The following TSPAN9 variants were observed in gnomAD, a reference collection of about 807,000 sequenced individuals.
TSPAN9 encodes the protein tetraspanin 9.
Under a neutral mutation model 31.0 loss-of-function variants are expected in TSPAN9, and 16 were observed. That is an observed-to-expected ratio of 0.52 (90% CI 0.35 to 0.78). The LOEUF is 0.78. Among genes scored for constraint, TSPAN9 ranks in the 30% least tolerant of loss-of-function variants. TSPAN9 has a pLI of 0.01. For synonymous variants in TSPAN9, 145 were observed against 121.6 expected (o/e 1.19, Z -1.27); for missense variants, 272 against 312.5 (o/e 0.87, Z 0.98).
At chr12:3,129,319 C>T (rs555345154) in intron 2 of TSPAN9, among the ~76,000 whole-genome samples, 3 of 152,164 alleles carry the variant, frequency 2.0e-5, no homozygotes, top group African/African-American at 7.2e-5. Context: ...AATGGATGCA[C>T]GTGTTAGTAA....
At chr12:3,223,526 C>T (rs12831241) in intron 3 of TSPAN9, among the ~76,000 whole-genome samples, 62,962 of 151,982 alleles carry the variant, frequency 0.41, 13,665 homozygotes, top group South Asian at 0.65. Flanking sequence ...GGAGTAACAG[C>T]CCCAAGACCG....
chr12:3,100,099 C>T (rs1287629389), intron 2 of TSPAN9, among the ~76,000 whole-genome samples: 10 of 152,160 alleles, frequency 6.6e-5, no homozygotes, highest in African/African-American at 2.4e-4. Flanking sequence ...CCGCCTCGGC[C>T]TCCCAAAGTG....
rs546734237 is a variant in TSPAN9, at chr12:3,224,944, C to T, written c.63+23688C>T. ...GCGGCCACGCTCCCATGGCTCATCC[C>T]GATGGGGCAGCCAGAGCTTCAGAAT... is the stretch of plus-strand genomic sequence containing the variant. On this transcript the variant is annotated intron_variant, in intron 3 of 8. Coordinates refer to ENST00000011898, the MANE Select transcript of TSPAN9 (RefSeq NM_006675.5). Among the ~76,000 whole-genome samples, 8 of 152,258 alleles carry T rather than the reference C, an allele frequency of 5.3e-5. No individual in the cohort carries two copies. The South Asian group carries it at 8.3e-4, about 16-fold the overall frequency.
intron 2 of TSPAN9, among the ~76,000 whole-genome samples, chr12:3,110,005 G>A (rs2098317600): frequency 6.6e-6 from 1 of 152,082 alleles, no homozygotes; most frequent in Non-Finnish European, 1.5e-5. Context: ...ACCAGGAGGG[G>A]CTGAAAACAG....
rs146213339 is a variant in TSPAN9 at position 3,142,471 on chromosome 12, TG to T, written c.-17-58703del. Among the ~76,000 whole-genome samples the T allele has an allele frequency of 3.0e-3, 458 of 152,198 alleles. 1 individual carries two copies. The highest frequency in any genetic ancestry group is 0.011 in the African/African-American group (437 of 41,510). The stretch of plus-strand genomic sequence containing the variant: ...GGCCCTAGATGTGGGACAAGGGCTG[TG>T]GGATGAAAGGTGATATATAAATGTA... On this transcript the variant is annotated intron_variant, in intron 2 of 8. Transcript: ENST00000011898.
At chr12:3,117,877 G>A (rs1446007600) in intron 2 of TSPAN9, among the ~76,000 whole-genome samples, 4 of 152,082 alleles carry the variant, frequency 2.6e-5, no homozygotes, top group African/African-American at 9.7e-5. Flanking sequence ...GAAGCACCTT[G>A]GGAGGCAGTG....
intron 3 of TSPAN9, among the ~76,000 whole-genome samples, chr12:3,209,270 G>A (rs538361197): frequency 3.3e-5 from 5 of 151,978 alleles, no homozygotes; most frequent in South Asian, 2.1e-4. Context: ...AAAATTCAGC[G>A]TTGTGTTTCT....
intron 2 of TSPAN9, among the ~76,000 whole-genome samples, chr12:3,198,635 C>T (rs1355201166): frequency 3.6e-5 from 4 of 110,828 alleles, no homozygotes; most frequent in African/African-American, 1.5e-4. Context: ...AGGCCACCAC[C>T]AGCACAGCTC....
In TSPAN9 at chr12:3,280,542, T is replaced by TC. The variant is rs548695659; in HGVS notation, c.432+60dup. 7 of 1,489,270 alleles carry TC rather than the reference T, an allele frequency of 4.7e-6. No individual in the cohort carries two copies. The South Asian group carries it at 8.2e-5, about 17-fold the overall frequency. The allele number at this position is 1,489,270 out of a possible 1,614,324, so 92.3% of individuals were successfully genotyped here. On this transcript the variant is annotated intron_variant, in intron 6 of 8. Transcript: ENST00000011898. This position sits in a 1 kb window ranked among gnomAD's most constrained non-coding sequence, Gnocchi z 4.5. The stretch of plus-strand genomic sequence containing the variant: ...GGGAGGAGGGGTGGCGGCCGGTACT[T>TC]CTAGCTGCCTTCCCCGGTGACCTGG...
At chr12:3,275,259 A>G (rs1254543740) in intron 3 of TSPAN9, among the ~76,000 whole-genome samples, 2 of 152,194 alleles carry the variant, frequency 1.3e-5, no homozygotes, top group African/African-American at 4.8e-5. Context: ...AGGTACACCC[A>G]CAGTGGGAAA....
At chr12:3,079,921 C>T (rs1350449372) in intron 1 of TSPAN9, among the ~76,000 whole-genome samples, 1 of 151,666 alleles carries the variant, frequency 6.6e-6, no homozygotes, top group Non-Finnish European at 1.5e-5. Context: ...TAGGTACAGG[C>T]CCCATGCTCA....
chr12:3,222,746 CTG>C (rs554912732), intron 3 of TSPAN9, among the ~76,000 whole-genome samples: 178 of 152,332 alleles, frequency 1.2e-3, no homozygotes, highest in African/African-American at 4.1e-3. Context: ...GGACCAGAGA[CTG>C]AGGTTCACCC....
intron 3 of TSPAN9, among the ~76,000 whole-genome samples, chr12:3,274,131 G>A (rs1176630800): frequency 6.6e-6 from 1 of 152,168 alleles, no homozygotes; most frequent in Non-Finnish European, 1.5e-5. Flanking sequence ...GGGGTGTTTG[G>A]CAGCACCCCT....
chr12:3,157,805 G>A (rs1172395909), intron 2 of TSPAN9, among the ~76,000 whole-genome samples: 3 of 152,204 alleles, frequency 2.0e-5, no homozygotes, highest in Non-Finnish European at 4.4e-5. Flanking sequence ...CTGGCAGGCA[G>A]GCACCACCGC....
chr12:3,091,521 G>A (rs1381316016), intron 2 of TSPAN9, among the ~76,000 whole-genome samples: 6 of 152,190 alleles, frequency 3.9e-5, no homozygotes, highest in Non-Finnish European at 8.8e-5. Context: ...GCTGCTGGTG[G>A]AAGAGTTCTC....
chr12:3,122,437 C>T (rs1296391434), intron 2 of TSPAN9, among the ~76,000 whole-genome samples: 1 of 152,030 alleles, frequency 6.6e-6, no homozygotes, highest in Non-Finnish European at 1.5e-5. Flanking sequence ...CACACACCAC[C>T]ATGCTTGGCA....
At chr12:3,204,044 G>A (rs1034438034) in intron 3 of TSPAN9, among the ~76,000 whole-genome samples, 5 of 152,190 alleles carry the variant, frequency 3.3e-5, no homozygotes, top group Non-Finnish European at 7.3e-5. Context: ...GGGGGCAGGG[G>A]GAGCATGCAG....
intron 2 of TSPAN9, among the ~76,000 whole-genome samples, chr12:3,101,454 C>T (rs1472229453): frequency 6.6e-6 from 1 of 152,028 alleles, no homozygotes; most frequent in African/African-American, 2.4e-5. Flanking sequence ...TCTTAGATGC[C>T]ACTCTACACA....
intron 2 of TSPAN9, among the ~76,000 whole-genome samples, chr12:3,182,808 G>A (rs906815162): frequency 6.6e-6 from 1 of 152,186 alleles, no homozygotes; most frequent in Non-Finnish European, 1.5e-5. Flanking sequence ...CAAGGGAGGG[G>A]AGGCTAATTG....
Sources: gnomAD v4.1 joint callset for allele counts (sites outside exome capture counted in the v4.1 genomes callset) on GRCh38, gnomAD v4.1.1 for gene constraint, Gnocchi (gnomAD v3.1) non-coding constraint, MANE v1.5 for transcripts, NCBI Gene and HGNC (gene_info 2026-07-23, HGNC 2026-07-21) for gene names.